Variants in TEX11 observed in about 807,000 individuals in gnomAD.
The protein encoded by TEX11 is testis expressed 11.
Under a neutral mutation model 84.4 loss-of-function variants are expected in TEX11, and 7 were observed. The observed-to-expected ratio is 0.08, with a 90% confidence interval of 0.05 to 0.16. The LOEUF (loss-of-function observed/expected upper bound fraction) is 0.16, where lower values mean the gene tolerates loss of function less well. Ranked by LOEUF, TEX11 falls within the 10% of genes least tolerant of loss-of-function variation. The pLI, the probability that TEX11 is intolerant of heterozygous loss-of-function variation, is 1.00. For synonymous variants in TEX11, 264 were observed against 222.8 expected, an observed-to-expected ratio of 1.18 and a Z score of -1.64; for missense variants, 551 against 660.5, an observed-to-expected ratio of 0.83 and a Z score of 1.82.
intron 24 of TEX11, among the ~76,000 whole-genome samples, chrX:70,595,692 C>T (rs2088996898): frequency 9.1e-6 from 1 of 110,070 alleles, no homozygotes; most frequent in Non-Finnish European, 1.9e-5. Context: ...TCACTTAATG[C>T]AAAAGAAAAG....
chrX:70,801,627 TTCTTTCTTTCTTTCTTTCTTTCTTTC>T (rs1288768750), intron 9 of TEX11, among the ~76,000 whole-genome samples: 1 of 2,587 alleles, frequency 3.9e-4, no homozygotes, highest in Admixed American at 6.7e-3. Flanking sequence ...TTCTTTTATT[TTCTTTCTTTCTTTCTTTCTTTCTTTC>T]TTTCTTTCTT....
intron 13 of TEX11, among the ~76,000 whole-genome samples, chrX:70,699,371 T>A (rs1461947230): frequency 2.7e-5 from 3 of 111,435 alleles, no homozygotes; most frequent in African/African-American, 9.8e-5. Context: ...AAACTAGTGA[T>A]TCAAACTGCT....
At chrX:70,860,711 TAAAAGGAACACTG>T (rs777534254) in intron 5 of TEX11, 133 bp downstream of exon 5, 2 of 427,759 alleles carry the variant, frequency 4.7e-6, no homozygotes, top group East Asian at 4.4e-5. Flanking sequence ...TATACCATTA[TAAAAGGAACACTG>T]AAAAGGAACA....
intron 13 of TEX11, among the ~76,000 whole-genome samples, chrX:70,713,547 C>G (rs767227902): frequency 8.9e-6 from 1 of 111,934 alleles, no homozygotes; most frequent in East Asian, 2.8e-4. Flanking sequence ...GGAATTTATC[C>G]ATTTCTTCTA....
At chrX:70,714,468 G>C (rs1203573913) in intron 13 of TEX11, among the ~76,000 whole-genome samples, 8 of 111,476 alleles carry the variant, frequency 7.2e-5, no homozygotes, top group Admixed American at 6.7e-4. Context: ...TTATGAATCT[G>C]GGTGCTCCTG....
At chrX:70,613,760 C>A (rs762416746) in intron 20 of TEX11, among the ~76,000 whole-genome samples, 86 of 111,453 alleles carry the variant, frequency 7.7e-4, no homozygotes, top group Non-Finnish European at 1.4e-3. Flanking sequence ...GGTAGCATAG[C>A]TTGTGGCTCC....
chrX:70,580,525 G>A (rs2147478967), intron 25 of TEX11, among the ~76,000 whole-genome samples: 1 of 112,052 alleles, frequency 8.9e-6, no homozygotes, highest in South Asian at 3.8e-4. Flanking sequence ...ATCACGCATG[G>A]CATGCCTGTA....
intron 17 of TEX11, among the ~76,000 whole-genome samples, 176 bp downstream of exon 17, chrX:70,651,274 T>G (rs935608100): frequency 1.8e-5 from 2 of 112,094 alleles, no homozygotes; most frequent in African/African-American, 6.5e-5. Context: ...TCTTTTACTT[T>G]TATATAACCT....
chrX:70,750,208 C>G (rs1358600765), intron 9 of TEX11, among the ~76,000 whole-genome samples: 4 of 111,505 alleles, frequency 3.6e-5, no homozygotes, highest in Non-Finnish European at 7.5e-5. Context: ...AAATGCAAAT[C>G]AAAACCACAA....
rs140331442 is a variant in TEX11, at chrX:70,785,843, A to G, written c.692+20862T>C. ...AACAGGTGCTGGTAAGGTTGTGGAA[A>G]AATAGGAACGCTTTTACACTGTTGG... On this transcript the variant is annotated intron_variant, in intron 9 of 29. Transcript: ENST00000374333. Among the ~76,000 whole-genome samples, 409 of 112,200 alleles carry G rather than the reference A, an allele frequency of 3.6e-3. 2 individuals carry two copies. The highest frequency in any genetic ancestry group is 9.4e-3 in the African/African-American group (291 of 30,911).
intron 13 of TEX11, among the ~76,000 whole-genome samples, chrX:70,683,621 G>GA (rs1220292269): frequency 1.8e-5 from 2 of 111,080 alleles, no homozygotes; most frequent in South Asian, 3.9e-4. Context: ...GGCCCTGTCT[G>GA]AAAAAAACCC....
intron 13 of TEX11, among the ~76,000 whole-genome samples, chrX:70,718,738 A>G (rs2090529479): frequency 8.9e-6 from 1 of 111,812 alleles, no homozygotes; most frequent in Non-Finnish European, 1.9e-5. Context: ...GGCTGAAAAA[A>G]GCTACCACAC....
intron 24 of TEX11, among the ~76,000 whole-genome samples, chrX:70,601,991 C>T (rs2089122942): frequency 9.0e-6 from 1 of 111,258 alleles, no homozygotes; most frequent in East Asian, 2.9e-4. Context: ...CCACCCTTCC[C>T]GCCTTTCTAT....
At chrX:70,679,229 A>G (rs1189659711) in intron 14 of TEX11, among the ~76,000 whole-genome samples, 1 of 111,206 alleles carries the variant, frequency 9.0e-6, no homozygotes, top group Admixed American at 9.4e-5. Flanking sequence ...ACGGAGTCTC[A>G]TTCACTCCGT....
chrX:70,542,102 C>G (rs777567304), intron 28 of TEX11, among the ~76,000 whole-genome samples: 3 of 110,970 alleles, frequency 2.7e-5, no homozygotes, highest in African/African-American at 9.8e-5. Context: ...ATGTTTGTGT[C>G]CCTTCAAAAT....
intron 13 of TEX11, among the ~76,000 whole-genome samples, chrX:70,705,370 T>C (rs758614464): frequency 3.6e-5 from 4 of 111,822 alleles, no homozygotes; most frequent in South Asian, 3.7e-4. Context: ...GCATTGAATC[T>C]ATAAATTACC....
chrX:70,830,273 AG>A (rs771800798), intron 8 of TEX11, among the ~76,000 whole-genome samples: 6 of 112,139 alleles, frequency 5.4e-5, no homozygotes, highest in Non-Finnish European at 9.4e-5. Flanking sequence ...AGAGAAAAAA[AG>A]GTCACTATAT....
At chrX:70,557,308 A>T (rs1243093277) in intron 25 of TEX11, among the ~76,000 whole-genome samples, 8 of 104,514 alleles carry the variant, frequency 7.7e-5, no homozygotes, top group Non-Finnish European at 1.2e-4. Flanking sequence ...ATCTCTATAA[A>T]AAAAAAAAAA....
At chrX:70,907,255 A>G (rs1389208888) in intron 2 of TEX11, among the ~76,000 whole-genome samples, 2 of 111,783 alleles carry the variant, frequency 1.8e-5, no homozygotes, top group Non-Finnish European at 3.8e-5. Context: ...TGAAAAAAAA[A>G]CAAGTTATGA....
Sources: allele counts gnomAD v4.1 joint callset (sites outside exome capture counted in the v4.1 genomes callset), GRCh38; gene constraint gnomAD v4.1.1; transcripts MANE v1.5; gene names NCBI Gene and HGNC (gene_info 2026-07-23, HGNC 2026-07-21).